The following RTTN variants were observed in gnomAD, a reference collection of about 807,000 sequenced individuals.
RTTN encodes rotatin.
Under a neutral mutation model 269.2 loss-of-function variants are expected in RTTN, and 182 were observed. That is an observed-to-expected ratio of 0.68 (90% confidence interval 0.60 to 0.76). RTTN has a LOEUF of 0.76. Among genes scored for constraint, RTTN ranks in the 30% least tolerant of loss-of-function variants. The probability of loss-of-function intolerance (pLI) is 0.00; values close to 1 mark genes in which losing one functional copy is unlikely to be tolerated. For synonymous variants in RTTN, 1,006 were observed against 963.5 expected (o/e 1.04, Z -0.82); for missense variants, 2,545 against 2,608.6 (o/e 0.98, Z 0.53).
intron 23 of RTTN, chr18:70,130,476 AAAC>A (rs1479430334): frequency 6.6e-6 from 1 of 151,962 alleles, no homozygotes; most frequent in Admixed American, 6.6e-5. Context: ...CTGTCACTTG[AAAC>A]AACATGGATG....
chr18:70,166,241 A>C, intron 13 of RTTN, 53 bp from the exon 14 acceptor site: 3 of 1,578,824 alleles, frequency 1.9e-6, no homozygotes, highest in Non-Finnish European at 2.6e-6. Flanking sequence ...GTTAGTAAGC[A>C]AAAGACTGCA....
At chr18:70,156,797 C>A (rs932625796) in intron 14 of RTTN, among the ~76,000 whole-genome samples, 1 of 152,132 alleles carries the variant, frequency 6.6e-6, no homozygotes, top group Non-Finnish European at 1.5e-5. Context: ...CTGATAGGTG[C>A]CCATCACCCA....
At chr18:70,201,607 C>CCAA (rs2061951346) in intron 4 of RTTN, among the ~76,000 whole-genome samples, 1 of 41,006 alleles carries the variant, frequency 2.4e-5, no homozygotes, top group Non-Finnish European at 3.7e-5. Flanking sequence ...GACTCCATCT[C>CCAA]AAAAAAAAAA....
chr18:70,197,525 G>A lies in RTTN; in HGVS notation c.693+99C>T, dbSNP rs535629130. ...AATACTTCACTTTTTAAAAACATGAGTACAAAGTTCCTTCCCAAGAACTCC... is the reference window on the plus strand; with the variant it reads ...AATACTTCACTTTTTAAAAACATGAATACAAAGTTCCTTCCCAAGAACTCC... On this transcript the variant is annotated intron_variant, in intron 6 of 48. Coordinates refer to ENST00000640769, the MANE Select transcript of RTTN (RefSeq NM_173630.4). The A allele has an allele frequency of 4.1e-6, 3 of 735,900 alleles. No individual in the cohort carries two copies. In the East Asian group the frequency reaches 7.8e-5, roughly 19 times the overall value. 45.6% of individuals were successfully genotyped at this position (735,900 alleles called of 1,614,324 possible).
At chr18:70,036,968 A>C (rs962570168) in intron 40 of RTTN, among the ~76,000 whole-genome samples, 7 of 152,226 alleles carry the variant, frequency 4.6e-5, no homozygotes, top group Admixed American at 4.6e-4. Context: ...GCTAACTTGC[A>C]CACTTGGAGG....
intron 17 of RTTN, 111 bp downstream of exon 17, chr18:70,148,790 A>T: frequency 7.6e-7 from 1 of 1,309,690 alleles, no homozygotes; most frequent in Non-Finnish European, 1.1e-6. Flanking sequence ...GTAATGGAAT[A>T]ACACCCTCCT....
chr18:70,082,175 C>T (rs2058586434), intron 32 of RTTN, among the ~76,000 whole-genome samples: 1 of 152,054 alleles, frequency 6.6e-6, no homozygotes, highest in Admixed American at 6.6e-5. Flanking sequence ...ACTGACAACC[C>T]ATTATGTTAT....
chr18:70,128,423 G>T lies in RTTN; in HGVS notation c.3078C>A (p.Asn1026Lys). ...PVSDMLRIAW[N>K]LSWYHGSDNL... is the part of the protein sequence containing the mutation. ...TATCACTCCCATGATACCATGACAGGTTCCAAGCTATTCTCAGCATATCTG... is the reference window on the plus strand; with the variant it reads ...TATCACTCCCATGATACCATGACAGTTTCCAAGCTATTCTCAGCATATCTG... The change falls in exon 24 of 49, where the codon AAC (asparagine) becomes AAA (lysine). Residue 1026 changes from asparagine to lysine, a missense_variant. Asn to Lys is a moderately conservative substitution (Grantham distance 94). Coordinates refer to ENST00000640769, the MANE Select transcript of RTTN (RefSeq NM_173630.4). 1.2e-6 allele frequency: 2 copies of T among 1,613,304 alleles called. No individual in the cohort carries two copies. The highest frequency in any genetic ancestry group is 1.7e-6 in the Non-Finnish European group (2 of 1,179,540).
At chr18:70,015,222 C>G (rs2056505287) in intron 46 of RTTN, among the ~76,000 whole-genome samples, 1 of 151,992 alleles carries the variant, frequency 6.6e-6, no homozygotes, top group Admixed American at 6.6e-5. Flanking sequence ...GCCACCATGC[C>G]TGGCTAATTT....
chr18:70,059,990 A>G lies in RTTN; in HGVS notation c.4800T>C (p.Ala1600=). 1.9e-6 allele frequency: 3 copies of G among 1,613,876 alleles called. No individual in the cohort carries two copies. In the South Asian group the frequency reaches 3.3e-5, roughly 18 times the overall value. ...PRPPHDSSLS[A]PLPKLCVFVT... ...CAAAAACACACAGTTTGGGCAGGGG[A>G]GCAGAAAGAGATGAATCATGAGGTG... The change falls in exon 36 of 49, where the codon GCT becomes GCC. Residue 1600 remains alanine (A), a synonymous_variant. Coordinates refer to ENST00000640769, the MANE Select transcript of RTTN (RefSeq NM_173630.4).
intron 40 of RTTN, among the ~76,000 whole-genome samples, chr18:70,038,613 A>T (rs1599219027): frequency 6.6e-6 from 1 of 152,306 alleles, no homozygotes; most frequent in African/African-American, 2.4e-5. Context: ...ACACACACAA[A>T]CAAGCCCAGA....
intron 34 of RTTN, 77 bp from the exon 35 acceptor site, chr18:70,065,999 A>G (rs1251124721): frequency 3.4e-6 from 3 of 878,058 alleles, no homozygotes; most frequent in Non-Finnish European, 5.0e-6. Flanking sequence ...CACACAAGAT[A>G]TCCTTAAACA....
At chr18:70,188,489 C>A (rs1019102912) in intron 9 of RTTN, among the ~76,000 whole-genome samples, 21 of 152,188 alleles carry the variant, frequency 1.4e-4, no homozygotes, top group Non-Finnish European at 2.9e-4. Flanking sequence ...CTAACAAGTA[C>A]TGTGAGATAG....
At chr18:70,043,963 A>C (rs2057417892) in intron 40 of RTTN, among the ~76,000 whole-genome samples, 2 of 152,228 alleles carry the variant, frequency 1.3e-5, no homozygotes, top group South Asian at 4.1e-4. Context: ...TAGCAAATAC[A>C]CAAAAAGAGA....
chr18:70,054,736 T>G (rs1568306500), intron 37 of RTTN, among the ~76,000 whole-genome samples: 2 of 152,072 alleles, frequency 1.3e-5, no homozygotes, highest in Non-Finnish European at 2.9e-5. Flanking sequence ...GGAGGACCAC[T>G]TAAGCCCAGA....
Position 70,145,744 on chromosome 18 carries a change from A to G in RTTN, c.2349T>C (p.Leu783=). The stretch of plus-strand genomic sequence containing the variant: ...TTGTATCAGCCCCTTCTTCACTGGT[A>G]AGATGGAATGCTAAAAGCTTTAATG... ...SLALKLLAFH[L]TSEEGADTKR... Residue 783 remains leucine, a synonymous_variant, in exon 18 of 49, where the codon CTT becomes CTC. Coordinates refer to ENST00000640769, the MANE Select transcript of RTTN (RefSeq NM_173630.4). 1 of 1,613,224 alleles carries G rather than the reference A, an allele frequency of 6.2e-7. No individual in the cohort carries two copies. The highest frequency in any genetic ancestry group is 8.5e-7 in the Non-Finnish European group (1 of 1,179,550).
intron 32 of RTTN, among the ~76,000 whole-genome samples, chr18:70,077,704 T>C (rs7237535): frequency 0.018 from 2,671 of 151,922 alleles, 76 homozygotes; most frequent in African/African-American, 0.061. Context: ...TTAGAAAATA[T>C]AGGTAAGAAA....
chr18:70,198,823 G>A (rs572058052), intron 5 of RTTN, among the ~76,000 whole-genome samples: 27 of 152,208 alleles, frequency 1.8e-4, no homozygotes, highest in African/African-American at 6.0e-4. Context: ...CATAAGCAAT[G>A]GCCAATAAGA....
At position 70,204,190 on chromosome 18, in the gene RTTN, T is replaced by C; in HGVS notation, c.293A>G (p.Glu98Gly). 6.2e-7 allele frequency: 1 copy of C among 1,614,144 alleles called. No individual in the cohort carries two copies. The highest frequency in any genetic ancestry group is 8.5e-7 in the Non-Finnish European group (1 of 1,179,996). The change falls in exon 3 of 49, where the codon GAG becomes GGG. Residue 98 changes from glutamate (E) to glycine (G), a missense_variant. Transcript: ENST00000640769. ...ATCAATTTCAGCCTGCAGATTTGGCTCCACATTAGACCGAAGCTTAGATAA... is the reference window on the plus strand; with the variant it reads ...ATCAATTTCAGCCTGCAGATTTGGCCCCACATTAGACCGAAGCTTAGATAA... ...EFLSKLRSNV[E>G]PNLQAEIDGI...
Sources: allele counts gnomAD v4.1 joint callset (sites outside exome capture counted in the v4.1 genomes callset), GRCh38; gene constraint gnomAD v4.1.1; transcripts MANE v1.5; gene names NCBI Gene and HGNC (gene_info 2026-07-23, HGNC 2026-07-21).